Variants in CUX2 observed in about 807,000 individuals in gnomAD.
CUX2 encodes the protein homeobox protein cut-like 2.
CUX2 carries 40 observed loss-of-function variants against 144.8 expected under a neutral mutation model. The ratio of observed to expected loss-of-function variants is 0.28; its 90% CI spans 0.21 to 0.36. The LOEUF is 0.36. CUX2 is among the 10% of genes least tolerant of loss of function. The pLI, the probability that CUX2 is intolerant of heterozygous loss-of-function variation, is 1.00. For missense variants in CUX2, 1,615 were observed against 1,994.0 expected, an observed-to-expected ratio of 0.81 and a Z score of 3.62; for synonymous variants, 827 against 875.6, an observed-to-expected ratio of 0.94 and a Z score of 0.98.
At chr12:111,203,778 A>G (rs1022703594) in intron 1 of CUX2, among the ~76,000 whole-genome samples, 2 of 152,106 alleles carry the variant, frequency 1.3e-5, no homozygotes, top group Non-Finnish European at 2.9e-5. Flanking sequence ...GGAGGGTGAA[A>G]GTGCCAGTAG....
chr12:111,338,150 C>T (rs959268374), intron 19 of CUX2, 136 bp from the exon 20 acceptor site: 1 of 914,984 alleles, frequency 1.1e-6, no homozygotes, highest in Admixed American at 2.6e-5. Flanking sequence ...TCCGCCGTCT[C>T]TGGCCCTCCC....
chr12:111,277,247 G>T lies in CUX2; in HGVS notation c.301+13408G>T, dbSNP rs979522492. ...CCGCCCTCCCAGCCTGCGCAGGGAG[G>T]GGAAAGGAGATTGGCACTGGGCGTC... On this transcript the variant is annotated intron_variant, in intron 4 of 21. Transcript: ENST00000261726. The surrounding 1 kb of genome is among the most constrained non-coding windows in gnomAD (Gnocchi z 5.0). Among the ~76,000 whole-genome samples, 1 of 152,156 alleles carries T rather than the reference G, an allele frequency of 6.6e-6. No individual in the cohort carries two copies. Among genetic ancestry groups the T allele is most frequent in the African/African-American group, 2.4e-5 (1 of 41,432 alleles).
chr12:111,053,204 G>A (rs1412236609), intron 1 of CUX2, among the ~76,000 whole-genome samples: 1 of 152,168 alleles, frequency 6.6e-6, no homozygotes, highest in Non-Finnish European at 1.5e-5. Context: ...CCAGCACGGC[G>A]CCTGGCACAT....
chr12:111,111,838 G>C (rs972835108), intron 1 of CUX2, among the ~76,000 whole-genome samples: 1 of 151,338 alleles, frequency 6.6e-6, no homozygotes, highest in Admixed American at 6.6e-5. Context: ...TCCCCTAAAG[G>C]CAAATTTGCC....
At chr12:111,233,823 G>A (rs112293747) in intron 3 of CUX2, among the ~76,000 whole-genome samples, 41 of 152,204 alleles carry the variant, frequency 2.7e-4, no homozygotes, top group African/African-American at 9.7e-4. Context: ...GTCAAAATGG[G>A]CTCGTTTCTG....
At chr12:111,296,607 C>A in intron 8 of CUX2, 68 bp downstream of exon 8, 3 of 1,438,236 alleles carry the variant, frequency 2.1e-6, no homozygotes, top group South Asian at 1.2e-5. Flanking sequence ...CTCCTTCTGA[C>A]CCTCCAGTAC....
chr12:111,265,403 G>A (rs1355534549), intron 4 of CUX2, among the ~76,000 whole-genome samples: 2 of 151,016 alleles, frequency 1.3e-5, no homozygotes, highest in East Asian at 1.9e-4. Flanking sequence ...GTGCAGTAGC[G>A]CGATCTCAGC....
chr12:111,144,520 T>A (rs1466236049), intron 1 of CUX2, among the ~76,000 whole-genome samples: 1 of 152,090 alleles, frequency 6.6e-6, no homozygotes, highest in Non-Finnish European at 1.5e-5. Context: ...ATCCCCACAC[T>A]GGGTTTGTGG....
intron 1 of CUX2, among the ~76,000 whole-genome samples, chr12:111,151,144 C>A (rs922465616): frequency 4.6e-5 from 7 of 152,126 alleles, no homozygotes; most frequent in Non-Finnish European, 7.3e-5. Context: ...GCCTGAGAGC[C>A]GTGGTTTTAA....
chr12:111,099,637 G>C, intron 1 of CUX2: 1 of 456,740 alleles, frequency 2.2e-6, no homozygotes, highest in South Asian at 1.5e-5. Flanking sequence ...CCTGGCTGGG[G>C]TGAGATGGAG....
chr12:111,341,305 T>A (rs997711319), intron 20 of CUX2, among the ~76,000 whole-genome samples: 1 of 151,452 alleles, frequency 6.6e-6, no homozygotes, highest in Non-Finnish European at 1.5e-5. Context: ...ACAAAAAAAA[T>A]TAAAAATTAG....
intron 9 of CUX2, among the ~76,000 whole-genome samples, chr12:111,301,171 T>C (rs944230011): frequency 1.2e-4 from 19 of 152,204 alleles, no homozygotes; most frequent in Admixed American, 5.9e-4. Context: ...GTCAGTGTAT[T>C]AGGTTTTTAA....
chr12:111,296,393 G>A (rs367998914), intron 7 of CUX2, 80 bp from the exon 8 acceptor site: 7 of 1,292,220 alleles, frequency 5.4e-6, no homozygotes, highest in East Asian at 5.1e-5. Context: ...TTCGCAGAAG[G>A]AGTGGGCTCC....
intron 1 of CUX2, among the ~76,000 whole-genome samples, chr12:111,138,024 G>T (rs1876028768): frequency 6.6e-6 from 1 of 152,234 alleles, no homozygotes; most frequent in Admixed American, 6.5e-5. Context: ...GGTAGGCCAT[G>T]TGACGGCTCT....
At position 111,107,202 on chromosome 12, in the gene CUX2, G is replaced by A. The variant is rs149812795; in HGVS notation, c.63+72962G>A. 3.4e-3 allele frequency among the ~76,000 whole-genome samples: 522 copies of A among 152,320 alleles called. 4 individuals are homozygous for A. The highest frequency in any genetic ancestry group is 6.1e-3 in the Non-Finnish European group (415 of 68,028). Reference sequence around the variant, plus strand: ...ACAGTTTTTGGTGACAGTGGGCCATGTCCCTTTGAATCACACCTAAGGTCT... The same window carrying A: ...ACAGTTTTTGGTGACAGTGGGCCATATCCCTTTGAATCACACCTAAGGTCT... On this transcript the variant is annotated intron_variant, in intron 1 of 21. Transcript: ENST00000261726.
At position 111,038,455 on chromosome 12, in the gene CUX2, G is replaced by C. The variant is rs372502697; in HGVS notation, c.63+4215G>C. ...AGAGCTTGGCATGGCTCAGCCCCCT[G>C]AGAGGGGTTGGCATTAGGTGAAGAC... is the stretch of plus-strand genomic sequence containing the variant. On this transcript the variant is annotated intron_variant, in intron 1 of 21. Coordinates refer to ENST00000261726, the MANE Select transcript of CUX2 (RefSeq NM_015267.4). Among the ~76,000 whole-genome samples the C allele has an allele frequency of 1.8e-4, 28 of 152,402 alleles. No individual in the cohort carries two copies. In the East Asian group the frequency reaches 5.4e-3, roughly 29 times the overall value.
chr12:111,299,680 G>C (rs542920716), intron 9 of CUX2, among the ~76,000 whole-genome samples: 12 of 152,238 alleles, frequency 7.9e-5, no homozygotes, highest in African/African-American at 2.9e-4. Flanking sequence ...ATTTTGTATA[G>C]GCTACATAGC....
intron 1 of CUX2, among the ~76,000 whole-genome samples, chr12:111,054,003 A>G (rs951580335): frequency 1.3e-5 from 2 of 152,010 alleles, no homozygotes; most frequent in Non-Finnish European, 2.9e-5. Flanking sequence ...AAAATACAAA[A>G]ATTAGCCAGG....
intron 1 of CUX2, among the ~76,000 whole-genome samples, chr12:111,040,716 G>A (rs1869700914): frequency 6.6e-6 from 1 of 152,164 alleles, no homozygotes; most frequent in South Asian, 2.1e-4. Flanking sequence ...CACATGCTAG[G>A]TTTACCATCA....
Sources: gnomAD v4.1 joint callset for allele counts (sites outside exome capture counted in the v4.1 genomes callset) on GRCh38, gnomAD v4.1.1 for gene constraint, Gnocchi (gnomAD v3.1) non-coding constraint, MANE v1.5 for transcripts, NCBI Gene and HGNC (gene_info 2026-07-23, HGNC 2026-07-21) for gene names.